Variants in MEGF11 observed in about 807,000 individuals in gnomAD.
The protein encoded by MEGF11 is multiple epidermal growth factor-like domains protein 11.
In MEGF11, 126 loss-of-function variants were observed where a neutral mutation model predicts 146.6. The ratio of observed to expected loss-of-function variants is 0.86; its 90% CI spans 0.74 to 1.00. The LOEUF (loss-of-function observed/expected upper bound fraction) is 1.00, where lower values mean the gene tolerates loss of function less well. Ranked by LOEUF, MEGF11 falls within the 50% of genes least tolerant of loss-of-function variation. The pLI, the probability that MEGF11 is intolerant of heterozygous loss-of-function variation, is 0.00. For synonymous variants in MEGF11, 532 were observed against 583.4 expected (o/e 0.91, Z 1.27); for missense variants, 1,509 against 1,521.2 (o/e 0.99, Z 0.13).
At chr15:65,972,606 G>A (rs435990) in intron 7 of MEGF11, among the ~76,000 whole-genome samples, 114,101 of 151,982 alleles carry the variant, frequency 0.75, 43,817 homozygotes, top group Middle Eastern at 0.86. Flanking sequence ...CAGGAATTAA[G>A]AGGGTTTAGA....
At chr15:66,034,923 C>T (rs1801494880) in intron 5 of MEGF11, among the ~76,000 whole-genome samples, 2 of 152,190 alleles carry the variant, frequency 1.3e-5, no homozygotes, top group South Asian at 4.1e-4. Context: ...AGTGAGCTCT[C>T]TCTGGCTCTC....
intron 5 of MEGF11, among the ~76,000 whole-genome samples, chr15:66,065,833 G>C (rs569089826): frequency 6.6e-6 from 1 of 152,176 alleles, no homozygotes; most frequent in Non-Finnish European, 1.5e-5. Context: ...AGGGCCCGGC[G>C]AAGTGGGGGA....
rs59597059 is a variant in MEGF11 at position 66,236,979 on chromosome 15, C to A, written c.-9+16626G>T. Among the ~76,000 whole-genome samples the A allele has an allele frequency of 4.0e-3, 615 of 152,294 alleles. 17 individuals are homozygous for A. The East Asian group carries it at 0.08, about 20-fold the overall frequency. On this transcript the variant is annotated intron_variant, in intron 1 of 25. Coordinates refer to ENST00000395614, the MANE Select transcript of MEGF11 (RefSeq NM_001385028.1). The stretch of plus-strand genomic sequence containing the variant: ...CCGTGTGCCCGGCATGGGTCACATG[C>A]CACTCCCTCACCCAGCACCTCCTTC...
At position 66,209,326 on chromosome 15, in the gene MEGF11, G is replaced by A. The variant is rs1208135169; in HGVS notation, c.-9+44279C>T. Among the ~76,000 whole-genome samples the A allele has an allele frequency of 2.0e-5, 3 of 151,964 alleles. 1 individual carries two copies. Among genetic ancestry groups the A allele is most frequent in the African/African-American group, 2.4e-5 (1 of 41,366 alleles). ...GATCGCGCCACTGCACTCCAGCCTGGGCGACGGAGCAAGACTCCATCTTAA... is the reference window on the plus strand; with the variant it reads ...GATCGCGCCACTGCACTCCAGCCTGAGCGACGGAGCAAGACTCCATCTTAA... On this transcript the variant is annotated intron_variant, in intron 1 of 25. Coordinates refer to ENST00000395614, the MANE Select transcript of MEGF11 (RefSeq NM_001385028.1).
intron 1 of MEGF11, among the ~76,000 whole-genome samples, chr15:66,252,110 T>C (rs2092379519): frequency 6.6e-6 from 1 of 152,024 alleles, no homozygotes; most frequent in Non-Finnish European, 1.5e-5. Context: ...CTCCGCTGGC[T>C]CCGAGAAGCC....
At chr15:66,047,758 G>A (rs930207560) in intron 5 of MEGF11, among the ~76,000 whole-genome samples, 1 of 152,172 alleles carries the variant, frequency 6.6e-6, no homozygotes, top group Non-Finnish European at 1.5e-5. Context: ...GGGCCGAGCG[G>A]CTCTTGCAAC....
chr15:66,084,185 AAAC>A (rs1319887323), intron 5 of MEGF11, among the ~76,000 whole-genome samples: 2 of 152,206 alleles, frequency 1.3e-5, no homozygotes, highest in African/African-American at 4.8e-5. Context: ...TCACCGACAC[AAAC>A]ATCATTATGT....
intron 5 of MEGF11, among the ~76,000 whole-genome samples, chr15:66,022,661 C>A (rs1434348126): frequency 6.6e-5 from 10 of 150,538 alleles, no homozygotes; most frequent in Non-Finnish European, 7.4e-5. Flanking sequence ...CCTATCTCCA[C>A]AAAAAATTTT....
chr15:66,228,141 T>G (rs1025145653), intron 1 of MEGF11, among the ~76,000 whole-genome samples: 1 of 152,144 alleles, frequency 6.6e-6, no homozygotes, highest in South Asian at 2.1e-4. Flanking sequence ...GCTGGAAAGC[T>G]GCAGAGAATC....
chr15:66,061,537 C>G (rs1029916192), intron 5 of MEGF11, among the ~76,000 whole-genome samples: 4 of 152,148 alleles, frequency 2.6e-5, no homozygotes, highest in African/African-American at 9.7e-5. Context: ...AAGGCAAACT[C>G]ATGACCTACT....
At chr15:66,062,835 C>A (rs1274352362) in intron 5 of MEGF11, among the ~76,000 whole-genome samples, 1 of 152,156 alleles carries the variant, frequency 6.6e-6, no homozygotes, top group African/African-American at 2.4e-5. Flanking sequence ...AGGAAAGGAA[C>A]CCTATGGAGG....
chr15:66,127,898 G>T (rs8039023), intron 2 of MEGF11, among the ~76,000 whole-genome samples: 64,331 of 152,026 alleles, frequency 0.42, 14,367 homozygotes, highest in African/African-American at 0.57. Flanking sequence ...AGCTGCCACG[G>T]GGCTGCCAGT....
At chr15:66,012,931 G>A (rs1002352597) in intron 5 of MEGF11, among the ~76,000 whole-genome samples, 5 of 152,236 alleles carry the variant, frequency 3.3e-5, no homozygotes, top group Non-Finnish European at 7.3e-5. Flanking sequence ...CAGCTGGACC[G>A]GGCTTAGTTT....
At chr15:66,136,364 AC>A (rs1324091697) in intron 1 of MEGF11, among the ~76,000 whole-genome samples, 1 of 152,112 alleles carries the variant, frequency 6.6e-6, no homozygotes, top group Non-Finnish European at 1.5e-5. Flanking sequence ...AAGAGCCCAC[AC>A]TAGGACAGGG....
intron 1 of MEGF11, among the ~76,000 whole-genome samples, chr15:66,132,530 T>G (rs1177982912): frequency 6.6e-6 from 1 of 152,208 alleles, no homozygotes; most frequent in Non-Finnish European, 1.5e-5. Context: ...ATATTTGCAC[T>G]GGCGGCAGGA....
intron 10 of MEGF11, among the ~76,000 whole-genome samples, chr15:65,948,884 T>G (rs1474959699): frequency 2.6e-5 from 4 of 152,190 alleles, no homozygotes; most frequent in African/African-American, 9.7e-5. Flanking sequence ...TTGCAGTGTT[T>G]GTACTCCTCT....
At chr15:65,912,496 C>G (rs2078845602) in intron 20 of MEGF11, 1 of 223,950 alleles carries the variant, frequency 4.5e-6, no homozygotes, top group African/African-American at 2.3e-5. Context: ...GCTTTGATAG[C>G]CTTACATGTC....
intron 5 of MEGF11, among the ~76,000 whole-genome samples, chr15:66,035,991 C>A (rs191107261): frequency 6.6e-6 from 1 of 152,248 alleles, no homozygotes; most frequent in Non-Finnish European, 1.5e-5. Flanking sequence ...CTCAGAGCAC[C>A]CCGCCAGTGG....
At chr15:66,249,616 C>T (rs1166639473) in intron 1 of MEGF11, among the ~76,000 whole-genome samples, 1 of 152,160 alleles carries the variant, frequency 6.6e-6, no homozygotes, top group African/African-American at 2.4e-5. Context: ...TTATGAGTTC[C>T]TAGAGCTAAA....
Sources: allele counts gnomAD v4.1 joint callset (sites outside exome capture counted in the v4.1 genomes callset), GRCh38; gene constraint gnomAD v4.1.1; transcripts MANE v1.5; gene names NCBI Gene and HGNC (gene_info 2026-07-23, HGNC 2026-07-21).